The following PLCXD3 variants were observed in gnomAD, a reference collection of about 807,000 sequenced individuals.
PLCXD3 encodes PI-PLC X domain-containing protein 3.
In PLCXD3, 19 loss-of-function variants were observed where a neutral mutation model predicts 25.5. The ratio of observed to expected loss-of-function variants is 0.75; its 90% confidence interval spans 0.52 to 1.09. The LOEUF (loss-of-function observed/expected upper bound fraction) is 1.09. Ranked by LOEUF, PLCXD3 falls within the 50% of genes least tolerant of loss-of-function variation. The pLI is 0.00. For missense variants in PLCXD3, 411 were observed against 388.1 expected (o/e 1.06, Z -0.50); for synonymous variants, 174 against 137.6 (o/e 1.26, Z -1.85).
intron 1 of PLCXD3, among the ~76,000 whole-genome samples, chr5:41,400,840 G>T (rs1052327694): frequency 2.6e-5 from 4 of 151,952 alleles, no homozygotes; most frequent in Non-Finnish European, 4.4e-5. Flanking sequence ...ATAACTTAAA[G>T]AATATAATTG....
At chr5:41,450,778 A>C (rs1012489232) in intron 1 of PLCXD3, among the ~76,000 whole-genome samples, 1 of 152,066 alleles carries the variant, frequency 6.6e-6, no homozygotes, top group Admixed American at 6.6e-5. Flanking sequence ...GTATATAGTG[A>C]GGGGTCACAC....
chr5:41,435,203 T>C (rs1193860084), intron 1 of PLCXD3, among the ~76,000 whole-genome samples: 1 of 152,200 alleles, frequency 6.6e-6, no homozygotes, highest in Non-Finnish European at 1.5e-5. Context: ...TGGGCATTTC[T>C]CCAATTCAAA....
At position 41,309,790 on chromosome 5, in the gene PLCXD3, G is replaced by C. The variant is rs1324610257; in HGVS notation, c.*3827C>G. 6.6e-6 allele frequency: 1 copy of C among 152,128 alleles called. No homozygotes were observed. The highest frequency in any genetic ancestry group is 6.6e-5 in the Admixed American group (1 of 15,254). The allele number at this position is 152,128 out of a possible 1,614,324, so 9.4% of individuals were successfully genotyped here. ...TGAAGTGAAATTGAGAATTTAGATA[G>C]ACTGTTCGTGCCAGGCATTTTCTAT... On this transcript the variant is annotated 3_prime_UTR_variant, in exon 3 of 3. Coordinates refer to ENST00000377801, the MANE Select transcript of PLCXD3 (RefSeq NM_001005473.3).
At chr5:41,422,517 T>C (rs965502134) in intron 1 of PLCXD3, among the ~76,000 whole-genome samples, 23 of 152,216 alleles carry the variant, frequency 1.5e-4, no homozygotes, top group African/African-American at 5.5e-4. Context: ...ATTTGAATTT[T>C]AGACTATATT....
intron 1 of PLCXD3, among the ~76,000 whole-genome samples, chr5:41,451,874 G>A (rs1747640213): frequency 6.6e-6 from 1 of 151,954 alleles, no homozygotes; most frequent in African/African-American, 2.4e-5. Context: ...TCATCTTCTT[G>A]TTGGATTGGA....
intron 1 of PLCXD3, among the ~76,000 whole-genome samples, chr5:41,383,701 A>G (rs1745551404): frequency 6.6e-6 from 1 of 151,854 alleles, no homozygotes; most frequent in Non-Finnish European, 1.5e-5. Context: ...TTGTTGCCCC[A>G]TTCCTGATTT....
At chr5:41,389,057 T>A (rs1745729322) in intron 1 of PLCXD3, among the ~76,000 whole-genome samples, 1 of 152,078 alleles carries the variant, frequency 6.6e-6, no homozygotes, top group South Asian at 2.1e-4. Context: ...TTGCTTGATT[T>A]TTTTTTAATT....
chr5:41,446,158 C>T (rs1319087131), intron 1 of PLCXD3, among the ~76,000 whole-genome samples: 1 of 114,360 alleles, frequency 8.7e-6, no homozygotes, highest in Non-Finnish European at 1.7e-5. Flanking sequence ...GTCTGGGCGA[C>T]GGAGCCAGAC....
At chr5:41,409,268 C>A (rs1746447701) in intron 1 of PLCXD3, among the ~76,000 whole-genome samples, 1 of 152,176 alleles carries the variant, frequency 6.6e-6, no homozygotes, top group Non-Finnish European at 1.5e-5. Flanking sequence ...CCTTGAGCAG[C>A]CTTAAGCCCA....
chr5:41,391,739 G>C (rs1458325444), intron 1 of PLCXD3, among the ~76,000 whole-genome samples: 1 of 152,180 alleles, frequency 6.6e-6, no homozygotes, highest in Non-Finnish European at 1.5e-5. Context: ...AGAGCACCAA[G>C]TGGGTTCTTG....
intron 1 of PLCXD3, among the ~76,000 whole-genome samples, chr5:41,464,591 GA>G (rs1228362373): frequency 2.0e-5 from 3 of 151,842 alleles, no homozygotes; most frequent in African/African-American, 7.3e-5. Context: ...TAAAAAAATT[GA>G]AAAAATATCT....
chr5:41,441,247 G>A (rs1379001542), intron 1 of PLCXD3, among the ~76,000 whole-genome samples: 3 of 152,100 alleles, frequency 2.0e-5, no homozygotes, highest in African/African-American at 7.2e-5. Flanking sequence ...TGGCAAAAAG[G>A]ATACACCAGC....
At chr5:41,470,675 G>A (rs1748133359) in intron 1 of PLCXD3, among the ~76,000 whole-genome samples, 1 of 152,168 alleles carries the variant, frequency 6.6e-6, no homozygotes, top group African/African-American at 2.4e-5. Flanking sequence ...TAGTAAAAAT[G>A]TCTACTCTTC....
chr5:41,365,275 C>T lies in PLCXD3; in HGVS notation c.812+16551G>A, dbSNP rs576160427. On this transcript the variant is annotated intron_variant, in intron 2 of 2. Coordinates refer to ENST00000377801, the MANE Select transcript of PLCXD3 (RefSeq NM_001005473.3). ...ATCATATTTGAGTAGAGAAAATAGA[C>T]GTGCACCTGATATATGGGCATAAAT... is the stretch of plus-strand genomic sequence containing the variant. Among the ~76,000 whole-genome samples, 16 of 152,198 alleles carry T rather than the reference C, an allele frequency of 1.1e-4. 1 individual carries two copies. Among genetic ancestry groups the T allele is most frequent in the African/African-American group, 1.2e-4 (5 of 41,524 alleles).
intron 1 of PLCXD3, among the ~76,000 whole-genome samples, chr5:41,417,648 C>G (rs1746724707): frequency 6.6e-6 from 1 of 152,178 alleles, no homozygotes; most frequent in South Asian, 2.1e-4. Context: ...CTAATTATTG[C>G]AAATGAGTTT....
intron 2 of PLCXD3, among the ~76,000 whole-genome samples, chr5:41,354,922 A>T (rs568765855): frequency 1.3e-5 from 2 of 152,320 alleles, no homozygotes; most frequent in East Asian, 3.9e-4. Context: ...CTTTCTCTAG[A>T]TTAATCTTTT....
intron 2 of PLCXD3, among the ~76,000 whole-genome samples, chr5:41,377,693 C>T (rs926007639): frequency 3.3e-5 from 5 of 152,066 alleles, no homozygotes; most frequent in East Asian, 1.9e-4. Flanking sequence ...TCGAAAGCTA[C>T]GGTACCTAAA....
intron 2 of PLCXD3, among the ~76,000 whole-genome samples, chr5:41,375,634 T>C (rs1745270954): frequency 6.6e-6 from 1 of 152,108 alleles, no homozygotes; most frequent in Admixed American, 6.6e-5. Flanking sequence ...CATGCTAACA[T>C]CCTACCAGGG....
At position 41,380,447 on chromosome 5, in the gene PLCXD3, G is replaced by A. The variant is rs550296627; in HGVS notation, c.812+1379C>T. On this transcript the variant is annotated intron_variant, in intron 2 of 2. Transcript: ENST00000377801. ...CCATTCCATCAATCCTCCAGGCTGCGTCAATTATTACATAAAACACAGATC... is the reference window on the plus strand; with the variant it reads ...CCATTCCATCAATCCTCCAGGCTGCATCAATTATTACATAAAACACAGATC... Among the ~76,000 whole-genome samples the A allele has an allele frequency of 1.4e-4, 21 of 152,116 alleles. No homozygotes were observed. In the Middle Eastern group the frequency reaches 0.01, roughly 74 times the overall value.
Sources: allele counts gnomAD v4.1 joint callset (sites outside exome capture counted in the v4.1 genomes callset), GRCh38; gene constraint gnomAD v4.1.1; transcripts MANE v1.5; gene names NCBI Gene and HGNC (gene_info 2026-07-23, HGNC 2026-07-21).